The following HPSE2 variants were observed in gnomAD, a reference collection of about 807,000 sequenced individuals.
HPSE2 encodes the protein inactive heparanase-2.
In HPSE2, 38 loss-of-function variants were observed where a neutral mutation model predicts 60.5. The observed-to-expected ratio is 0.63, with a 90% CI of 0.48 to 0.82. HPSE2 has a LOEUF of 0.82. Ranked by LOEUF, HPSE2 falls within the 40% of genes least tolerant of loss-of-function variation. The pLI is 0.00. For missense variants in HPSE2, 713 were observed against 740.4 expected (o/e 0.96, Z 0.43); for synonymous variants, 295 against 293.2 (o/e 1.01, Z -0.06).
At chr10:99,111,384 C>A (rs1191088331) in intron 3 of HPSE2, among the ~76,000 whole-genome samples, 6 of 152,038 alleles carry the variant, frequency 3.9e-5, no homozygotes, top group Admixed American at 3.3e-4. Flanking sequence ...ATTCTGTAAG[C>A]TACAGACTCC....
At chr10:98,982,054 A>G (rs541841322) in intron 3 of HPSE2, among the ~76,000 whole-genome samples, 3 of 151,570 alleles carry the variant, frequency 2.0e-5, no homozygotes, top group East Asian at 1.9e-4. Context: ...TTTTTTTTCA[A>G]AAATTAGATT....
chr10:99,137,627 C>A (rs1379689426), intron 3 of HPSE2, among the ~76,000 whole-genome samples: 2 of 152,108 alleles, frequency 1.3e-5, no homozygotes, highest in African/African-American at 4.8e-5. Flanking sequence ...AAACCTGACA[C>A]AAACAAGCAA....
chr10:99,038,881 G>A (rs948370406), intron 3 of HPSE2, among the ~76,000 whole-genome samples: 3 of 152,078 alleles, frequency 2.0e-5, no homozygotes, highest in Non-Finnish European at 2.9e-5. Context: ...TCATTCAATC[G>A]CTTTTCTGTG....
chr10:98,708,970 T>C (rs938428139), intron 5 of HPSE2, among the ~76,000 whole-genome samples: 35 of 152,222 alleles, frequency 2.3e-4, no homozygotes, highest in African/African-American at 8.2e-4. Flanking sequence ...CCTGCCCCCA[T>C]GAACCTTCCC....
At chr10:99,264,472 TACTC>T in the HPSE2 span, among the ~76,000 whole-genome samples, 7 of 152,092 alleles carry the variant, frequency 4.6e-5, no homozygotes. Flanking sequence ...GGCCCTGACT[TACTC>T]ACTGCTAAAA....
intron 11 of HPSE2, among the ~76,000 whole-genome samples, chr10:98,477,460 G>A (rs1029792251): frequency 3.3e-5 from 5 of 152,162 alleles, no homozygotes; most frequent in African/African-American, 9.7e-5. Context: ...CTTAGCATCC[G>A]CTTGTTCCCT....
chr10:99,283,191 A>G, the HPSE2 span, among the ~76,000 whole-genome samples: 4 of 27,478 alleles, frequency 1.5e-4, no homozygotes, highest in African/African-American at 9.8e-4. Flanking sequence ...GTCTCAGGTT[A>G]AAAAAAAAAA....
At chr10:98,861,301 T>C (rs1010924627) in intron 3 of HPSE2, among the ~76,000 whole-genome samples, 26 of 152,164 alleles carry the variant, frequency 1.7e-4, no homozygotes, top group Admixed American at 6.5e-4. Flanking sequence ...CTCTTTGGGG[T>C]TAAGGCAGTG....
intron 3 of HPSE2, among the ~76,000 whole-genome samples, chr10:98,765,750 GGAGAA>G (rs2134402283): frequency 6.6e-6 from 1 of 152,182 alleles, no homozygotes. Context: ...GGCTGAGGCA[GGAGAA>G]TCACTTGAAC....
chr10:99,184,817 TATAGAGAGAG>T (rs1241247365), intron 2 of HPSE2, among the ~76,000 whole-genome samples: 61 of 17,186 alleles, frequency 3.5e-3, no homozygotes, highest in African/African-American at 6.8e-3. Flanking sequence ...TATATATATA[TATAGAGAGAG>T]AGAGAGAGAG....
chr10:98,894,185 A>G (rs1953417943), intron 3 of HPSE2, among the ~76,000 whole-genome samples: 1 of 152,174 alleles, frequency 6.6e-6, no homozygotes, highest in Non-Finnish European at 1.5e-5. Context: ...TCTTTGAAGA[A>G]AACAATCCTT....
At chr10:98,547,266 A>G (rs1943713545) in intron 9 of HPSE2, among the ~76,000 whole-genome samples, 1 of 128,306 alleles carries the variant, frequency 7.8e-6, no homozygotes, top group Non-Finnish European at 1.7e-5. Flanking sequence ...AGGGATCTAG[A>G]ACTAGAAATA....
chr10:99,090,710 AC>A (rs1843482376), intron 3 of HPSE2, among the ~76,000 whole-genome samples: 1 of 152,080 alleles, frequency 6.6e-6, no homozygotes, highest in South Asian at 2.1e-4. Context: ...TATATCATCT[AC>A]CATTATTTAA....
chr10:98,550,869 A>G (rs1434098749), intron 9 of HPSE2, among the ~76,000 whole-genome samples: 2 of 152,082 alleles, frequency 1.3e-5, no homozygotes, highest in East Asian at 3.9e-4. Flanking sequence ...TTGGCCTCCC[A>G]AAGTGCTGGG....
At chr10:98,843,805 A>G (rs953205613) in intron 3 of HPSE2, among the ~76,000 whole-genome samples, 2 of 152,184 alleles carry the variant, frequency 1.3e-5, no homozygotes, top group Non-Finnish European at 2.9e-5. Flanking sequence ...TTTTGGTTCC[A>G]AAGCTTCCAA....
rs1022565450 is a variant in HPSE2 at position 98,897,827 on chromosome 10, G to GA, written c.611-153772dup. ...AACACCAAAAGCATGACCCATGAAAGAAAAAAAATTGATTAGTTAGCCTTT... is the reference window on the plus strand; with the variant it reads ...AACACCAAAAGCATGACCCATGAAAGAAAAAAAAATTGATTAGTTAGCCTTT... On this transcript the variant is annotated intron_variant, in intron 3 of 11. Coordinates refer to ENST00000370552, the MANE Select transcript of HPSE2 (RefSeq NM_021828.5). Among the ~76,000 whole-genome samples, 4 of 151,672 alleles carry GA rather than the reference G, an allele frequency of 2.6e-5. No individual in the cohort carries two copies. In the East Asian group the frequency reaches 5.8e-4, roughly 22 times the overall value.
the HPSE2 span, among the ~76,000 whole-genome samples, chr10:99,283,999 C>G: frequency 1.3e-4 from 5 of 39,346 alleles, no homozygotes; most frequent in Non-Finnish European, 2.8e-4. Context: ...TTCCAAAAAA[C>G]TTAAAGGGAA....
chr10:99,279,790 C>A, the HPSE2 span, among the ~76,000 whole-genome samples: 5 of 152,250 alleles, frequency 3.3e-5, no homozygotes, highest in Admixed American at 2.0e-4. Flanking sequence ...ATTGGCAAGT[C>A]ACCAGGGGAG....
chr10:99,127,269 A>G (rs958461202), intron 3 of HPSE2, among the ~76,000 whole-genome samples: 1 of 152,206 alleles, frequency 6.6e-6, no homozygotes, highest in African/African-American at 2.4e-5. Context: ...TGGATTAAAA[A>G]TGCTTCAGAG....
Sources: gnomAD v4.1 joint callset for allele counts (sites outside exome capture counted in the v4.1 genomes callset) on GRCh38, gnomAD v4.1.1 for gene constraint, MANE v1.5 for transcripts, NCBI Gene and HGNC (gene_info 2026-07-23, HGNC 2026-07-21) for gene names.